The following OPHN1 variants were observed in gnomAD, a reference collection of about 807,000 sequenced individuals.
OPHN1 encodes oligophrenin 1, also known as oligophrenin-1.
OPHN1 carries 11 observed loss-of-function variants against 60.7 expected under a neutral mutation model. That is an observed-to-expected ratio of 0.18 (90% CI 0.11 to 0.30). OPHN1 has a LOEUF of 0.30. Among genes scored for constraint, OPHN1 ranks in the 10% least tolerant of loss-of-function variants. OPHN1 has a pLI of 1.00. For missense variants in OPHN1, 449 were observed against 611.0 expected (o/e 0.73, Z 2.80); for synonymous variants, 226 against 222.6 (o/e 1.02, Z -0.14).
chrX:68,313,181 G>A (rs1017811173), intron 2 of OPHN1, among the ~76,000 whole-genome samples: 1 of 111,744 alleles, frequency 8.9e-6, no homozygotes, highest in Non-Finnish European at 1.9e-5. Flanking sequence ...AAATGCTGGC[G>A]AGTATGTGGA....
At chrX:68,089,319 G>T (rs898232842) in intron 19 of OPHN1, among the ~76,000 whole-genome samples, 1 of 111,330 alleles carries the variant, frequency 9.0e-6, no homozygotes, top group Non-Finnish European at 1.9e-5. Context: ...TGGACAATAT[G>T]ACCTTGGAGA....
At chrX:68,173,234 C>A (rs1385973692) in intron 15 of OPHN1, among the ~76,000 whole-genome samples, 1 of 111,379 alleles carries the variant, frequency 9.0e-6, no homozygotes, top group Non-Finnish European at 1.9e-5. Context: ...GTATTTCCAA[C>A]AGCCCCTGTC....
At chrX:68,244,062 C>G (rs1457362646) in intron 5 of OPHN1, among the ~76,000 whole-genome samples, 1 of 112,713 alleles carries the variant, frequency 8.9e-6, no homozygotes, top group African/African-American at 3.2e-5. Flanking sequence ...CCCCTATGAT[C>G]TGGCCTGGGC....
intron 2 of OPHN1, among the ~76,000 whole-genome samples, chrX:68,425,996 A>C (rs2147790401): frequency 9.1e-6 from 1 of 109,785 alleles, no homozygotes; most frequent in Admixed American, 9.7e-5. Flanking sequence ...ATGCCCAGCT[A>C]ACTTTTCATA....
intron 15 of OPHN1, among the ~76,000 whole-genome samples, chrX:68,172,369 A>G (rs2077395533): frequency 8.9e-6 from 1 of 112,100 alleles, no homozygotes; most frequent in African/African-American, 3.2e-5. Context: ...CCACATAGGT[A>G]TGGATCATAA....
intron 2 of OPHN1, among the ~76,000 whole-genome samples, chrX:68,367,329 G>A: frequency 9.7e-6 from 1 of 103,374 alleles, no homozygotes; most frequent in Non-Finnish European, 2.0e-5. Context: ...ACTCCAGCCT[G>A]GGCAACAGAG....
chrX:68,146,619 C>T (rs1465456091), intron 15 of OPHN1, among the ~76,000 whole-genome samples: 1 of 112,266 alleles, frequency 8.9e-6, no homozygotes, highest in African/African-American at 3.2e-5. Context: ...CAGATTACCC[C>T]GATAATTAGG....
At chrX:68,187,614 T>TTTTG (rs752466115) in intron 15 of OPHN1, among the ~76,000 whole-genome samples, 60 of 110,979 alleles carry the variant, frequency 5.4e-4, no homozygotes, top group Non-Finnish European at 9.1e-4. Context: ...CGTATTGGTT[T>TTTTG]TTTGTTTGTT....
chrX:68,285,126 T>G (rs1283569232), intron 3 of OPHN1, among the ~76,000 whole-genome samples: 1 of 112,290 alleles, frequency 8.9e-6, no homozygotes, highest in Non-Finnish European at 1.9e-5. Context: ...GTCAATTTTG[T>G]TTAACTTTAT....
chrX:68,218,537 G>C (rs1785483283), intron 6 of OPHN1, among the ~76,000 whole-genome samples: 1 of 109,972 alleles, frequency 9.1e-6, no homozygotes, highest in African/African-American at 3.3e-5. Context: ...GAGAAAGGTC[G>C]GGTTACCCTC....
At chrX:68,397,183 A>C (rs1376095422) in intron 2 of OPHN1, among the ~76,000 whole-genome samples, 1 of 112,026 alleles carries the variant, frequency 8.9e-6, no homozygotes, top group Non-Finnish European at 1.9e-5. Context: ...TTTAGATAAA[A>C]TCATAGCAGC....
chrX:68,200,707 TA>T (rs2077531820), intron 11 of OPHN1, among the ~76,000 whole-genome samples: 1 of 111,921 alleles, frequency 8.9e-6, no homozygotes, highest in Non-Finnish European at 1.9e-5. Context: ...CCAATTTTTT[TA>T]AAAATGCCCT....
intron 15 of OPHN1, among the ~76,000 whole-genome samples, chrX:68,124,204 A>G (rs1054377400): frequency 9.0e-6 from 1 of 111,459 alleles, no homozygotes; most frequent in South Asian, 3.8e-4. Flanking sequence ...GTTTGTCAGG[A>G]AAGTCTTTAT....
intron 23 of OPHN1, 67 bp downstream of exon 23, chrX:68,052,473 A>G: frequency 1.0e-6 from 1 of 974,546 alleles, no homozygotes; most frequent in Non-Finnish European, 1.4e-6. Context: ...AGTGAGCACA[A>G]TTGTATGCTA....
At chrX:68,323,281 C>G (rs1295729976) in intron 2 of OPHN1, among the ~76,000 whole-genome samples, 1 of 111,742 alleles carries the variant, frequency 8.9e-6, no homozygotes, top group East Asian at 2.8e-4. Context: ...GTAAAACAGT[C>G]TAGCTACAAT....
chrX:68,132,973 G>T (rs1021985869), intron 15 of OPHN1: 2 of 457,267 alleles, frequency 4.4e-6, no homozygotes, highest in Non-Finnish European at 7.9e-6. Flanking sequence ...GCCCCACTCC[G>T]GGCCTCAGGC....
intron 2 of OPHN1, among the ~76,000 whole-genome samples, chrX:68,313,197 G>A (rs900241217): frequency 1.8e-5 from 2 of 111,766 alleles, no homozygotes; most frequent in Non-Finnish European, 3.8e-5. Flanking sequence ...GTGGAAAAAG[G>A]GGAACCCTCG....
At chrX:68,297,283 G>T (rs1044323831) in intron 3 of OPHN1, among the ~76,000 whole-genome samples, 6 of 111,623 alleles carry the variant, frequency 5.4e-5, no homozygotes, top group Admixed American at 2.9e-4. Context: ...CATTTTACAA[G>T]ATAAGAAAAT....
At chrX:68,314,257 C>G (rs898804171) in intron 2 of OPHN1, among the ~76,000 whole-genome samples, 3 of 111,945 alleles carry the variant, frequency 2.7e-5, no homozygotes, top group Admixed American at 9.5e-5. Flanking sequence ...CACAGTGGCT[C>G]ATGCCTGCAA....
Sources: allele counts gnomAD v4.1 joint callset (sites outside exome capture counted in the v4.1 genomes callset), GRCh38; gene constraint gnomAD v4.1.1; transcripts MANE v1.5; gene names NCBI Gene and HGNC (gene_info 2026-07-23, HGNC 2026-07-21).